ST7L: variants seen among roughly 807,000 people sequenced by gnomAD.
ST7L encodes suppression of tumorigenicity 7 like.
Under a neutral mutation model 72.5 loss-of-function variants are expected in ST7L, and 57 were observed. The observed-to-expected ratio is 0.79, with a 90% CI of 0.64 to 0.98. The LOEUF (loss-of-function observed/expected upper bound fraction) is 0.98, where lower values mean the gene tolerates loss of function less well. Ranked by LOEUF, ST7L falls within the 50% of genes least tolerant of loss-of-function variation. The pLI is 0.00. For synonymous variants in ST7L, 221 were observed against 240.9 expected (o/e 0.92, Z 0.77); for missense variants, 576 against 672.2 (o/e 0.86, Z 1.58).
At chr1:112,589,462 A>C (rs545106236) in intron 6 of ST7L, among the ~76,000 whole-genome samples, 9 of 151,950 alleles carry the variant, frequency 5.9e-5, no homozygotes. Flanking sequence ...TTTGTTGAAA[A>C]CTGGAAATTT....
At chr1:112,535,764 C>A (rs1186899708) in intron 14 of ST7L, among the ~76,000 whole-genome samples, 2 of 151,050 alleles carry the variant, frequency 1.3e-5, no homozygotes, top group African/African-American at 4.9e-5. Context: ...TTATTATTTT[C>A]TTTCCCCCTT....
Position 112,582,466 on chromosome 1 carries a change from T to C in ST7L, c.863A>G (p.Asp288Gly), listed in dbSNP as rs1307623363. ...SPQHEAQLRR[D>G]TNVLVYIKRR... ...TTTAATATATACCAGTACATTGGTA[T>C]CTCTCCCTATTTAGAAAAACAAAAA... is the stretch of plus-strand genomic sequence containing the variant. The change falls in exon 8 of 15, where the codon GAT (aspartate) becomes GGT (glycine). Residue 288 changes from aspartate to glycine, a missense_variant. Around this residue, in one of 3 missense-constraint regions of ST7L, gnomAD observed 511 missense variants for 600.7 expected, o/e 0.85. Coordinates refer to ENST00000358039, the MANE Select transcript of ST7L (RefSeq NM_017744.5). The C allele has an allele frequency of 6.3e-7, 1 of 1,592,352 alleles. No individual in the cohort carries two copies. The highest frequency in any genetic ancestry group is 1.7e-5 in the Admixed American group (1 of 57,948).
At chr1:112,577,226 A>C (rs1291744272) in intron 10 of ST7L, 138 bp from the exon 11 acceptor site, 24 of 470,740 alleles carry the variant, frequency 5.1e-5, no homozygotes, top group East Asian at 1.4e-4. Flanking sequence ...GACTAACAAA[A>C]AAAAAAAAAA....
intron 13 of ST7L, among the ~76,000 whole-genome samples, chr1:112,544,569 A>C (rs1274664391): frequency 6.6e-6 from 1 of 152,200 alleles, no homozygotes; most frequent in Non-Finnish European, 1.5e-5. Context: ...CTTCTTCCCA[A>C]CTTCAAATCA....
chr1:112,614,160 G>C (rs1434273250), intron 2 of ST7L, among the ~76,000 whole-genome samples: 1 of 152,202 alleles, frequency 6.6e-6, no homozygotes, highest in South Asian at 2.1e-4. Context: ...GCAGAGTTAA[G>C]ATTCAAAATT....
intron 7 of ST7L, among the ~76,000 whole-genome samples, chr1:112,583,202 C>T (rs1243814730): frequency 6.6e-6 from 1 of 152,026 alleles, no homozygotes; most frequent in Non-Finnish European, 1.5e-5. Context: ...TTTTAATTTA[C>T]ACATAAAAAA....
chr1:112,554,823 T>C (rs1188737655), intron 12 of ST7L, among the ~76,000 whole-genome samples: 1 of 152,200 alleles, frequency 6.6e-6, no homozygotes, highest in Non-Finnish European at 1.5e-5. Flanking sequence ...TTCTGATGCA[T>C]ATTACCAATA....
chr1:112,573,348 C>CAAAAAAAAAAAA (rs35107656), intron 11 of ST7L, among the ~76,000 whole-genome samples: 2 of 69,680 alleles, frequency 2.9e-5, no homozygotes, highest in African/African-American at 5.8e-5. Context: ...AACTCCCTCT[C>CAAAAAAAAAAAA]AAAAAAAAAA....
intron 8 of ST7L, 103 bp from the exon 9 acceptor site, chr1:112,582,209 T>A: frequency 1.0e-6 from 1 of 977,548 alleles, no homozygotes; most frequent in Non-Finnish European, 1.5e-6. Flanking sequence ...ACCATAGCTG[T>A]GAAGAAGACC....
At chr1:112,574,553 G>A (rs1662775220) in intron 11 of ST7L, among the ~76,000 whole-genome samples, 1 of 151,494 alleles carries the variant, frequency 6.6e-6, no homozygotes, top group African/African-American at 2.4e-5. Flanking sequence ...CAGCTACTTG[G>A]GAGGCTGAGG....
chr1:112,584,901 T>C (rs561893096), intron 6 of ST7L, among the ~76,000 whole-genome samples: 3 of 152,156 alleles, frequency 2.0e-5, no homozygotes, highest in Non-Finnish European at 4.4e-5. Context: ...ACTTTTAACA[T>C]CTGACTCAGA....
chr1:112,519,872 C>CTTCTTTTTTTTTT (rs10634267), downstream of ST7L, among the ~76,000 whole-genome samples: 6 of 115,634 alleles, frequency 5.2e-5, no homozygotes, highest in East Asian at 2.6e-4. Flanking sequence ...GCCCATGCTT[C>CTTCTTTTTTTTTT]TTTTTTTTTT....
intron 3 of ST7L, among the ~76,000 whole-genome samples, chr1:112,601,632 T>G (rs1007077305): frequency 6.6e-6 from 1 of 152,146 alleles, no homozygotes; most frequent in African/African-American, 2.4e-5. Flanking sequence ...GTGGTGATAT[T>G]TGAACTGATG....
At chr1:112,618,546 G>A (rs781498534) in intron 1 of ST7L, among the ~76,000 whole-genome samples, 4 of 152,218 alleles carry the variant, frequency 2.6e-5, no homozygotes, top group Non-Finnish European at 4.4e-5. Context: ...GAGACTCAAA[G>A]TAGTGACTTT....
chr1:112,530,996 T>C (rs558651099), intron 14 of ST7L, among the ~76,000 whole-genome samples: 1 of 152,356 alleles, frequency 6.6e-6, no homozygotes, highest in Admixed American at 6.5e-5. Context: ...TGTGTGCCTA[T>C]TTTCAGAATC....
chr1:112,533,278 T>C (rs1654673573), intron 14 of ST7L, among the ~76,000 whole-genome samples: 1 of 152,164 alleles, frequency 6.6e-6, no homozygotes, highest in Non-Finnish European at 1.5e-5. Context: ...GGAATGACAT[T>C]GGAATGAATC....
At chr1:112,541,036 G>A (rs996858735) in intron 14 of ST7L, among the ~76,000 whole-genome samples, 1 of 152,172 alleles carries the variant, frequency 6.6e-6, no homozygotes, top group Non-Finnish European at 1.5e-5. Context: ...TGTAATCCCA[G>A]CACTTTGGGA....
At chr1:112,557,108 C>T (rs900163149) in intron 11 of ST7L, among the ~76,000 whole-genome samples, 12 of 150,868 alleles carry the variant, frequency 8.0e-5, no homozygotes, top group African/African-American at 1.2e-4. Flanking sequence ...AATTCACATA[C>T]CTTAGAATTC....
chr1:112,570,071 C>A (rs1661814197), intron 11 of ST7L, among the ~76,000 whole-genome samples: 1 of 147,432 alleles, frequency 6.8e-6, no homozygotes. Flanking sequence ...ATATATGAAA[C>A]AATTTCTACT....
Sources: allele counts gnomAD v4.1 joint callset (sites outside exome capture counted in the v4.1 genomes callset), GRCh38; gene constraint gnomAD v4.1.1; regional missense constraint gnomAD v4.1.1; transcripts MANE v1.5; gene names NCBI Gene and HGNC (gene_info 2026-07-23, HGNC 2026-07-21).